Variants in TACR1 observed in about 807,000 individuals in gnomAD.
TACR1 encodes substance-P receptor.
In TACR1, 25 loss-of-function variants were observed where a neutral mutation model predicts 35.8. That is an observed-to-expected ratio of 0.70 (90% CI 0.51 to 0.98). The LOEUF is 0.98. TACR1 is among the 50% of genes least tolerant of loss of function. The probability of loss-of-function intolerance (pLI) is 0.00; values close to 1 mark genes in which losing one functional copy is unlikely to be tolerated. For synonymous variants in TACR1, 195 were observed against 206.7 expected (o/e 0.94, Z 0.48); for missense variants, 478 against 522.9 (o/e 0.91, Z 0.84).
chr2:75,102,179 A>G (rs13417600), intron 2 of TACR1, among the ~76,000 whole-genome samples: 25,442 of 152,042 alleles, frequency 0.17, 2,885 homozygotes, highest in East Asian at 0.57. Flanking sequence ...CTGGTTGACA[A>G]TCTTCCAAGT....
intron 1 of TACR1, among the ~76,000 whole-genome samples, chr2:75,176,697 C>G (rs1052600145): frequency 6.6e-6 from 1 of 152,128 alleles, no homozygotes; most frequent in Admixed American, 6.5e-5. Context: ...CTTGTCCTCC[C>G]TGCACCACCT....
At chr2:75,156,000 C>T (rs980633032) in intron 1 of TACR1, among the ~76,000 whole-genome samples, 1 of 152,116 alleles carries the variant, frequency 6.6e-6, no homozygotes, top group African/African-American at 2.4e-5. Context: ...GACTATTTCA[C>T]AAGTAAAAAT....
chr2:75,174,273 G>T (rs1327883584), intron 1 of TACR1, among the ~76,000 whole-genome samples: 3 of 152,190 alleles, frequency 2.0e-5, no homozygotes, highest in African/African-American at 7.2e-5. Context: ...TGCAGATAGA[G>T]TAGTCTCCTC....
chr2:75,133,239 T>C (rs917688588), intron 1 of TACR1, among the ~76,000 whole-genome samples: 4 of 152,276 alleles, frequency 2.6e-5, no homozygotes, highest in Non-Finnish European at 5.9e-5. Flanking sequence ...AAAAAATTTT[T>C]TGTGCGTGGT....
At chr2:75,158,416 G>C (rs1432479440) in intron 1 of TACR1, among the ~76,000 whole-genome samples, 1 of 152,030 alleles carries the variant, frequency 6.6e-6, no homozygotes, top group Non-Finnish European at 1.5e-5. Context: ...GGCAGCAATA[G>C]GACATCTATT....
intron 2 of TACR1, among the ~76,000 whole-genome samples, chr2:75,112,375 T>A (rs1673768766): frequency 6.6e-6 from 1 of 152,046 alleles, no homozygotes; most frequent in African/African-American, 2.4e-5. Flanking sequence ...ATGATTCACT[T>A]TATCAAACTG....
chr2:75,145,911 A>G (rs937659294), intron 1 of TACR1, among the ~76,000 whole-genome samples: 6 of 152,218 alleles, frequency 3.9e-5, no homozygotes, highest in African/African-American at 1.2e-4. Context: ...AGATCCAGCG[A>G]CAGAGATGTG....
intron 1 of TACR1, among the ~76,000 whole-genome samples, chr2:75,191,855 A>C (rs981991206): frequency 2.0e-4 from 30 of 151,930 alleles, no homozygotes; most frequent in Non-Finnish European, 7.4e-5. Context: ...ATGAGTACCT[A>C]CTCTGTGCCA....
chr2:75,181,225 C>G (rs1675550582), intron 1 of TACR1, among the ~76,000 whole-genome samples: 1 of 152,116 alleles, frequency 6.6e-6, no homozygotes, highest in Non-Finnish European at 1.5e-5. Flanking sequence ...TCAACATTCT[C>G]CCACTCCTCT....
chr2:75,102,067 G>C (rs1017353292), intron 2 of TACR1, among the ~76,000 whole-genome samples: 24 of 152,204 alleles, frequency 1.6e-4, no homozygotes, highest in Non-Finnish European at 3.1e-4. Context: ...AGTGCCATGG[G>C]GTTTGTCCTC....
chr2:75,181,314 T>A (rs1398835205), intron 1 of TACR1, among the ~76,000 whole-genome samples: 2 of 152,124 alleles, frequency 1.3e-5, no homozygotes, highest in African/African-American at 2.4e-5. Context: ...CAAAATTTCC[T>A]TTAAAAACAT....
At chr2:75,078,106 G>A (rs540278377) in intron 2 of TACR1, among the ~76,000 whole-genome samples, 6 of 152,272 alleles carry the variant, frequency 3.9e-5, no homozygotes, top group African/African-American at 1.4e-4. Context: ...CCAGATCACC[G>A]AGGTAGGTCT....
chr2:75,152,604 G>A (rs1382321111), intron 1 of TACR1, among the ~76,000 whole-genome samples: 3 of 152,164 alleles, frequency 2.0e-5, no homozygotes, highest in Admixed American at 6.5e-5. Context: ...TACATGCTCC[G>A]AGGCTGAGAG....
intron 1 of TACR1, among the ~76,000 whole-genome samples, chr2:75,160,875 A>G (rs1252819846): frequency 6.6e-6 from 1 of 151,264 alleles, no homozygotes; most frequent in Non-Finnish European, 1.5e-5. Context: ...ATATTCTGAT[A>G]TATTTTCTTA....
At chr2:75,077,640 A>G (rs1673006074) in intron 2 of TACR1, among the ~76,000 whole-genome samples, 1 of 152,166 alleles carries the variant, frequency 6.6e-6, no homozygotes, top group South Asian at 2.1e-4. Context: ...GTGTCCATTT[A>G]TTGAATTTTT....
chr2:75,051,162 G>A (rs1672459814), intron 4 of TACR1, 89 bp downstream of exon 4: 1 of 1,538,822 alleles, frequency 6.5e-7, no homozygotes, highest in Admixed American at 1.7e-5. Flanking sequence ...TCTCACAGCT[G>A]GGTTTACTCA....
intron 2 of TACR1, among the ~76,000 whole-genome samples, chr2:75,097,247 A>C (rs1333557181): frequency 6.6e-6 from 1 of 152,116 alleles, no homozygotes; most frequent in African/African-American, 2.4e-5. Context: ...GTTTTTTTTC[A>C]GTCTTTTGTT....
At chr2:75,115,304 C>T (rs1384655041) in intron 2 of TACR1, among the ~76,000 whole-genome samples, 4 of 152,068 alleles carry the variant, frequency 2.6e-5, no homozygotes, top group Non-Finnish European at 5.9e-5. Flanking sequence ...TATTTTCCCC[C>T]ATCAGATGGG....
At chr2:75,136,585 C>T (rs1221739645) in intron 1 of TACR1, among the ~76,000 whole-genome samples, 1 of 152,170 alleles carries the variant, frequency 6.6e-6, no homozygotes, top group Non-Finnish European at 1.5e-5. Flanking sequence ...TCCAGCAAAG[C>T]CTATCCCCTC....
Sources: gnomAD v4.1 joint callset for allele counts (sites outside exome capture counted in the v4.1 genomes callset) on GRCh38, gnomAD v4.1.1 for gene constraint, MANE v1.5 for transcripts, NCBI Gene and HGNC (gene_info 2026-07-23, HGNC 2026-07-21) for gene names.